ST6GAL2: variants seen among roughly 807,000 people sequenced by gnomAD.
ST6GAL2 encodes ST6 beta-galactoside alpha-2,6-sialyltransferase 2.
A neutral mutation model predicts 37.5 loss-of-function variants in ST6GAL2; 24 were observed. That is an observed-to-expected ratio of 0.64 (90% CI 0.46 to 0.90). The LOEUF (loss-of-function observed/expected upper bound fraction) is 0.90. ST6GAL2 is among the 40% of genes least tolerant of loss of function. The pLI is 0.00. For synonymous variants in ST6GAL2, 306 were observed against 295.1 expected (o/e 1.04, Z -0.38); for missense variants, 715 against 712.7 (o/e 1.00, Z -0.04).
intron 2 of ST6GAL2, among the ~76,000 whole-genome samples, chr2:106,836,077 C>CAG (rs34349419): frequency 0.067 from 10,240 of 152,070 alleles, 882 homozygotes; most frequent in African/African-American, 0.21. Context: ...AAAGGTAAAA[C>CAG]GGAATTTTAA....
At position 106,806,629 on chromosome 2, in the gene ST6GAL2, G is replaced by C. The variant is rs1410911152; in HGVS notation, c.*49C>G. ...TCTTCAAGTATTCTTTTGTGACTTT[G>C]AGTACAACAGTAGTACCTTATTGCA... is the stretch of plus-strand genomic sequence containing the variant. On this transcript the variant is annotated 3_prime_UTR_variant, in exon 6 of 6. Coordinates refer to ENST00000409382, the MANE Select transcript of ST6GAL2 (RefSeq NM_001142351.2). 4.5e-6 allele frequency: 7 copies of C among 1,565,938 alleles called. No homozygotes were observed. In the South Asian group the frequency reaches 5.9e-5, roughly 13 times the overall value.
At chr2:106,811,494 T>C (rs1675608279) in intron 5 of ST6GAL2, among the ~76,000 whole-genome samples, 1 of 152,168 alleles carries the variant, frequency 6.6e-6, no homozygotes, top group Non-Finnish European at 1.5e-5. Context: ...ACCACGGTAC[T>C]AATCATTGGC....
chr2:106,884,019 G>A (rs1678857530), intron 1 of ST6GAL2, among the ~76,000 whole-genome samples: 1 of 152,124 alleles, frequency 6.6e-6, no homozygotes, highest in African/African-American at 2.4e-5. Flanking sequence ...AGAAATGCTT[G>A]GATAAATTCT....
intron 2 of ST6GAL2, chr2:106,841,209 CTTCT>C (rs1179321598): frequency 6.6e-6 from 1 of 152,210 alleles, no homozygotes; most frequent in Non-Finnish European, 1.5e-5. Flanking sequence ...GAGATCTGGG[CTTCT>C]GAGCCTGCCT....
intron 2 of ST6GAL2, 87 bp downstream of exon 2, chr2:106,842,948 A>T: frequency 9.7e-7 from 1 of 1,032,718 alleles, no homozygotes; most frequent in Non-Finnish European, 1.3e-6. Context: ...GCCCCGTCAG[A>T]GATCCAGAGG....
intron 5 of ST6GAL2, among the ~76,000 whole-genome samples, chr2:106,826,198 T>C (rs756797605): frequency 1.9e-4 from 29 of 152,174 alleles, no homozygotes; most frequent in Non-Finnish European, 4.1e-4. Context: ...ATAAAATACC[T>C]GAGACTGCGT....
chr2:106,829,841 C>T (rs1676344600), intron 5 of ST6GAL2, among the ~76,000 whole-genome samples: 1 of 151,954 alleles, frequency 6.6e-6, no homozygotes, highest in Non-Finnish European at 1.5e-5. Context: ...AAAGCAAAGG[C>T]TCATTGAAGC....
chr2:106,881,752 C>G (rs571357837), intron 1 of ST6GAL2, among the ~76,000 whole-genome samples: 100 of 152,250 alleles, frequency 6.6e-4, no homozygotes, highest in Non-Finnish European at 1.2e-3. Context: ...ATTTTTCTCT[C>G]GGGCTCAAAC....
chr2:106,876,797 T>C (rs1260951014), intron 1 of ST6GAL2, among the ~76,000 whole-genome samples: 1 of 152,162 alleles, frequency 6.6e-6, no homozygotes, highest in Non-Finnish European at 1.5e-5. Flanking sequence ...GGTATACAGC[T>C]GAAGAAAACA....
Position 106,822,667 on chromosome 2 carries a change from C to G in ST6GAL2, c.1318+7399G>C, listed in dbSNP as rs190750981. ...AAATCTTAAAATTTATATGTAATCACAAAAGACCCATTCAATAGAATGACC... is the reference window on the plus strand; with the variant it reads ...AAATCTTAAAATTTATATGTAATCAGAAAAGACCCATTCAATAGAATGACC... On this transcript the variant is annotated intron_variant, in intron 5 of 5. Coordinates refer to ENST00000409382, the MANE Select transcript of ST6GAL2 (RefSeq NM_001142351.2). 5.6e-4 allele frequency among the ~76,000 whole-genome samples: 85 copies of G among 152,118 alleles called. 1 individual carries two copies. The highest frequency in any genetic ancestry group is 3.2e-4 in the Non-Finnish European group (22 of 67,966).
chr2:106,878,080 G>A (rs746714157), intron 1 of ST6GAL2, among the ~76,000 whole-genome samples: 10 of 152,324 alleles, frequency 6.6e-5, no homozygotes, highest in Middle Eastern at 6.8e-3. Context: ...CTCTGCATCC[G>A]CAGGTTCCAC....
At chr2:106,882,972 T>C (rs1678814425) in intron 1 of ST6GAL2, among the ~76,000 whole-genome samples, 1 of 152,232 alleles carries the variant, frequency 6.6e-6, no homozygotes, top group Non-Finnish European at 1.5e-5. Context: ...CCCTGGGTAC[T>C]GTGGGATAAT....
intron 5 of ST6GAL2, among the ~76,000 whole-genome samples, chr2:106,820,376 A>C (rs1190707197): frequency 6.6e-6 from 1 of 152,116 alleles, no homozygotes; most frequent in African/African-American, 2.4e-5. Context: ...TATAAAAAAA[A>C]GACAAAGTAG....
At chr2:106,856,704 T>C (rs1677589541) in intron 1 of ST6GAL2, among the ~76,000 whole-genome samples, 1 of 152,222 alleles carries the variant, frequency 6.6e-6, no homozygotes, top group African/African-American at 2.4e-5. Context: ...TGCTTGTTAC[T>C]GTGTGGTGAA....
intron 2 of ST6GAL2, among the ~76,000 whole-genome samples, chr2:106,840,861 A>G (rs1054049506): frequency 3.9e-5 from 6 of 152,160 alleles, no homozygotes; most frequent in African/African-American, 1.4e-4. Context: ...TTAAAACAAA[A>G]CCAAACCGGA....
intron 1 of ST6GAL2, among the ~76,000 whole-genome samples, chr2:106,859,771 T>C (rs1282243071): frequency 1.3e-5 from 2 of 152,176 alleles, no homozygotes; most frequent in Non-Finnish European, 2.9e-5. Context: ...TATCCTGTCT[T>C]TCCTCTGTAG....
At chr2:106,872,803 T>G (rs1045041833) in intron 1 of ST6GAL2, among the ~76,000 whole-genome samples, 1 of 152,066 alleles carries the variant, frequency 6.6e-6, no homozygotes, top group South Asian at 2.1e-4. Context: ...AGGTTCCTTT[T>G]GTTTTAAACT....
chr2:106,843,779 C>A lies in ST6GAL2; in HGVS notation c.199G>T (p.Glu67Ter), dbSNP rs943721547. The A allele has an allele frequency of 1.9e-6, 3 of 1,610,426 alleles. No homozygotes were observed. Among genetic ancestry groups the A allele is most frequent in the Non-Finnish European group, 2.5e-6 (3 of 1,178,266 alleles). ...TCCAGGCCCCCAGGCGGGGAGGGCTCATGTGCGGCGCCCATGATGGCCCGC... is the reference window on the plus strand; with the variant it reads ...TCCAGGCCCCCAGGCGGGGAGGGCTAATGTGCGGCGCCCATGATGGCCCGC... ...KQRAIMGAAH[E>*]PSPPGGLDAR... The change falls in exon 2 of 6, where the codon GAG becomes TAG. Residue 67 changes from glutamate (E) to a stop codon, truncating the protein, a stop_gained. Transcript: ENST00000409382. LOFTEE classifies it high-confidence loss of function.
At chr2:106,858,693 A>G (rs896287993) in intron 1 of ST6GAL2, among the ~76,000 whole-genome samples, 1 of 152,134 alleles carries the variant, frequency 6.6e-6, no homozygotes, top group Non-Finnish European at 1.5e-5. Flanking sequence ...TATCCTGTCA[A>G]CACCAAACCC....
Sources: gnomAD v4.1 joint callset for allele counts (sites outside exome capture counted in the v4.1 genomes callset) on GRCh38, gnomAD v4.1.1 for gene constraint, MANE v1.5 for transcripts, NCBI Gene and HGNC (gene_info 2026-07-23, HGNC 2026-07-21) for gene names.